The following OSBPL8 variants were observed in gnomAD, a reference collection of about 807,000 sequenced individuals.
OSBPL8 encodes oxysterol binding protein like 8, also known as oxysterol-binding protein-related protein 8.
In OSBPL8, 59 loss-of-function variants were observed where a neutral mutation model predicts 125.5. The observed-to-expected ratio is 0.47, with a 90% CI of 0.38 to 0.58. OSBPL8 has a LOEUF of 0.58. OSBPL8 is among the 20% of genes least tolerant of loss of function. The pLI is 0.00. For missense variants in OSBPL8, 758 were observed against 1,047.8 expected (o/e 0.72, Z 3.82); for synonymous variants, 330 against 338.9 (o/e 0.97, Z 0.29).
At chr12:76,360,906 C>T (rs1272082537) in intron 21 of OSBPL8, among the ~76,000 whole-genome samples, 1 of 152,196 alleles carries the variant, frequency 6.6e-6, no homozygotes, top group Admixed American at 6.5e-5. Context: ...GCCCATGAAA[C>T]CATTTTTTCC....
At chr12:76,393,710 CAAAAAAAAAAAAAA>C (rs11423585) in intron 9 of OSBPL8, among the ~76,000 whole-genome samples, 16 of 52,292 alleles carry the variant, frequency 3.1e-4, no homozygotes, top group African/African-American at 9.9e-4. Flanking sequence ...GACTCCGTTT[CAAAAAAAAAAAAAA>C]AAAAAAAAAA....
At chr12:76,388,536 G>A (rs1045951368) in intron 12 of OSBPL8, among the ~76,000 whole-genome samples, 3 of 152,160 alleles carry the variant, frequency 2.0e-5, no homozygotes, top group Non-Finnish European at 4.4e-5. Context: ...ACCGACAAAA[G>A]TGCAGAAGAT....
intron 4 of OSBPL8, among the ~76,000 whole-genome samples, chr12:76,425,083 C>T (rs1056898717): frequency 2.6e-5 from 4 of 152,074 alleles, no homozygotes; most frequent in Admixed American, 1.3e-4. Context: ...AGGCTATTTA[C>T]GTCAACAACA....
At chr12:76,357,974 C>G (rs1183785054) in intron 22 of OSBPL8, among the ~76,000 whole-genome samples, 2 of 151,912 alleles carry the variant, frequency 1.3e-5, no homozygotes, top group Non-Finnish European at 2.9e-5. Context: ...ACAATTTAAG[C>G]TAGCAGTTGC....
chr12:76,536,252 C>T (rs942896717), intron 1 of OSBPL8, among the ~76,000 whole-genome samples: 1 of 151,790 alleles, frequency 6.6e-6, no homozygotes, highest in Non-Finnish European at 1.5e-5. Context: ...TTTGGGAAGG[C>T]GAGTCGGGCA....
At chr12:76,371,394 T>C (rs1382632463) in intron 19 of OSBPL8, 54 bp downstream of exon 19, 63 of 1,488,486 alleles carry the variant, frequency 4.2e-5, no homozygotes, top group Non-Finnish European at 5.1e-5. Flanking sequence ...CATTAAGGAA[T>C]TGAAAAACTA....
At chr12:76,369,998 G>T (rs1039069993) in intron 19 of OSBPL8, among the ~76,000 whole-genome samples, 176 bp from the exon 20 acceptor site, 3 of 152,166 alleles carry the variant, frequency 2.0e-5, no homozygotes, top group African/African-American at 7.2e-5. Context: ...AGTCCCTTGA[G>T]TAGAGAGAGA....
At position 76,403,739 on chromosome 12, in the gene OSBPL8, T is replaced by G. The variant is rs115419394; in HGVS notation, c.289-973A>C. ...AGTATACAGAACTTGATTCAAATGG[T>G]GGCTTTCAAATGTTGAGCGGCCAGA... On this transcript the variant is annotated intron_variant, in intron 5 of 23. Transcript: ENST00000261183. Among the ~76,000 whole-genome samples, 241 of 152,274 alleles carry G rather than the reference T, an allele frequency of 1.6e-3. 1 individual carries two copies. The highest frequency in any genetic ancestry group is 5.7e-3 in the African/African-American group (236 of 41,552).
At chr12:76,370,867 C>G (rs1009935836) in intron 19 of OSBPL8, among the ~76,000 whole-genome samples, 1 of 152,140 alleles carries the variant, frequency 6.6e-6, no homozygotes, top group African/African-American at 2.4e-5. Context: ...ACATAAGTCT[C>G]TTTCTCTTAA....
At chr12:76,450,766 A>G (rs2136731937) in intron 4 of OSBPL8, 85 bp downstream of exon 4, 1 of 1,338,664 alleles carries the variant, frequency 7.5e-7, no homozygotes, top group Middle Eastern at 1.9e-4. Flanking sequence ...AAAAAATATG[A>G]TAGTCCCCAA....
chr12:76,453,696 C>G (rs974662247), intron 3 of OSBPL8, among the ~76,000 whole-genome samples: 1 of 151,538 alleles, frequency 6.6e-6, no homozygotes, highest in African/African-American at 2.4e-5. Context: ...AAGCACTAAC[C>G]CAAAAATTAA....
Position 76,504,399 on chromosome 12 carries a change from G to A in OSBPL8, c.-67-16781C>T, listed in dbSNP as rs900281812. ...TCTGTATCATAGAAGCTAAAAGCAC[G>A]GAAACTACATTTTGCAAATGTCTTT... On this transcript the variant is annotated intron_variant, in intron 1 of 23. Transcript: ENST00000261183. Among the ~76,000 whole-genome samples the A allele has an allele frequency of 1.2e-4, 19 of 152,214 alleles. No individual in the cohort carries two copies. The East Asian group carries it at 1.9e-3, about 15-fold the overall frequency.
intron 1 of OSBPL8, among the ~76,000 whole-genome samples, chr12:76,526,635 C>CTCTTTTTTTTTTTTTT (rs1950182557): frequency 3.1e-5 from 2 of 64,246 alleles, no homozygotes; most frequent in African/African-American, 1.1e-4. Flanking sequence ...CAGTAAATCT[C>CTCTTTTTTTTTTTTTT]TTTTTTTTTT....
At chr12:76,556,644 A>T (rs759400682) in intron 1 of OSBPL8, among the ~76,000 whole-genome samples, 4 of 152,066 alleles carry the variant, frequency 2.6e-5, no homozygotes, top group African/African-American at 9.7e-5. Flanking sequence ...TAAAAATTGT[A>T]TATTTCTCAG....
chr12:76,449,530 C>A (rs1287875556), intron 4 of OSBPL8, among the ~76,000 whole-genome samples: 2 of 152,160 alleles, frequency 1.3e-5, no homozygotes, highest in Non-Finnish European at 2.9e-5. Flanking sequence ...AAGGCAGAGG[C>A]ACCAAACTGG....
chr12:76,472,372 G>C (rs1164765992), intron 2 of OSBPL8, among the ~76,000 whole-genome samples: 1 of 152,190 alleles, frequency 6.6e-6, no homozygotes, highest in African/African-American at 2.4e-5. Context: ...CACTACTGTA[G>C]GGACCAGCCC....
intron 1 of OSBPL8, among the ~76,000 whole-genome samples, chr12:76,555,990 G>A (rs1465708101): frequency 6.6e-6 from 1 of 152,076 alleles, no homozygotes; most frequent in Non-Finnish European, 1.5e-5. Context: ...CAGACACACA[G>A]CCCACACCAA....
At chr12:76,389,281 C>T (rs1953455877) in intron 12 of OSBPL8, among the ~76,000 whole-genome samples, 1 of 152,094 alleles carries the variant, frequency 6.6e-6, no homozygotes, top group Admixed American at 6.6e-5. Context: ...ACACAGATGC[C>T]CCAGGATGGG....
intron 1 of OSBPL8, among the ~76,000 whole-genome samples, chr12:76,500,732 T>C (rs963831826): frequency 3.9e-5 from 6 of 152,194 alleles, no homozygotes; most frequent in African/African-American, 1.4e-4. Flanking sequence ...TTCTTTTTTT[T>C]CTTTTTTCTT....
Sources: gnomAD v4.1 joint callset for allele counts (sites outside exome capture counted in the v4.1 genomes callset) on GRCh38, gnomAD v4.1.1 for gene constraint, MANE v1.5 for transcripts, NCBI Gene and HGNC (gene_info 2026-07-23, HGNC 2026-07-21) for gene names.